TSHZ2: variants seen among roughly 807,000 people sequenced by gnomAD.
TSHZ2 encodes teashirt homolog 2.
TSHZ2 carries 21 observed loss-of-function variants against 74.4 expected under a neutral mutation model. That is an observed-to-expected ratio of 0.28 (90% CI 0.20 to 0.41). TSHZ2 has a LOEUF of 0.41. Ranked by LOEUF, TSHZ2 falls within the 10% of genes least tolerant of loss-of-function variation. The pLI, the probability that TSHZ2 is intolerant of heterozygous loss-of-function variation, is 1.00. For synonymous variants in TSHZ2, 540 were observed against 515.3 expected (o/e 1.05, Z -0.65); for missense variants, 1,244 against 1,293.5 (o/e 0.96, Z 0.59).
At chr20:53,112,239 C>T (rs1456210427) in intron 1 of TSHZ2, among the ~76,000 whole-genome samples, 9 of 152,188 alleles carry the variant, frequency 5.9e-5, no homozygotes, top group Non-Finnish European at 5.9e-5. Flanking sequence ...ATGCTCCAAG[C>T]CCCTAGCTCA....
At chr20:53,443,019 C>T (rs1512) in intron 2 of TSHZ2, among the ~76,000 whole-genome samples, 116,174 of 152,148 alleles carry the variant, frequency 0.76, 45,428 homozygotes, top group African/African-American at 0.92. Context: ...ATAGAGAACA[C>T]TGAGTATGTT....
intron 2 of TSHZ2, among the ~76,000 whole-genome samples, chr20:53,309,075 C>G (rs562190695): frequency 6.6e-6 from 1 of 152,332 alleles, no homozygotes; most frequent in East Asian, 1.9e-4. Flanking sequence ...GCAGAGTGCT[C>G]ACATCACACC....
intron 1 of TSHZ2, among the ~76,000 whole-genome samples, chr20:53,053,865 T>G (rs2123141916): frequency 6.6e-6 from 1 of 152,326 alleles, no homozygotes; most frequent in African/African-American, 2.4e-5. Flanking sequence ...GCCACTGCAT[T>G]TGTCCCATGT....
intron 1 of TSHZ2, among the ~76,000 whole-genome samples, chr20:53,111,854 G>A (rs1235363741): frequency 3.3e-5 from 5 of 149,376 alleles, no homozygotes; most frequent in African/African-American, 1.2e-4. Context: ...GAGATTGCAC[G>A]CTCTGGTACC....
Position 53,181,949 on chromosome 20 carries a change from T to C in TSHZ2, c.41-71550T>C, listed in dbSNP as rs373013027. On this transcript the variant is annotated intron_variant, in intron 1 of 2. Transcript: ENST00000371497. ...TTTTAAAAAAATTAAATGAATGAAA[T>C]AGGTGAAGAAGTGATGGTAGCAACA... 6.0e-4 allele frequency among the ~76,000 whole-genome samples: 92 copies of C among 152,238 alleles called. 2 individuals are homozygous for C. The highest frequency in any genetic ancestry group is 2.2e-3 in the African/African-American group (90 of 41,534).
chr20:53,003,170 T>C (rs1466000656), intron 1 of TSHZ2, among the ~76,000 whole-genome samples: 1 of 152,156 alleles, frequency 6.6e-6, no homozygotes, highest in African/African-American at 2.4e-5. Context: ...GTCCAGGTAC[T>C]GTCCTTCATT....
intron 1 of TSHZ2, among the ~76,000 whole-genome samples, chr20:53,009,087 G>A (rs376387418): frequency 6.7e-6 from 1 of 149,890 alleles, no homozygotes; most frequent in Non-Finnish European, 1.5e-5. Flanking sequence ...CCAACAATTT[G>A]GGAGGCCAAA....
At chr20:53,192,573 A>C (rs1988763640) in intron 1 of TSHZ2, among the ~76,000 whole-genome samples, 2 of 151,082 alleles carry the variant, frequency 1.3e-5, no homozygotes, top group Admixed American at 6.6e-5. Flanking sequence ...AAAAAAAAAA[A>C]AAAAACCCAC....
intron 1 of TSHZ2, among the ~76,000 whole-genome samples, chr20:53,237,559 C>T (rs144616162): frequency 7.9e-5 from 12 of 151,500 alleles, no homozygotes; most frequent in South Asian, 2.1e-4. Context: ...CTTCTACATA[C>T]GAAAAATATA....
At chr20:53,400,398 GC>G (rs1403446947) in intron 2 of TSHZ2, 6 of 152,302 alleles carry the variant, frequency 3.9e-5, no homozygotes, top group African/African-American at 1.2e-4. Context: ...AGTCGAAGTT[GC>G]AATGGACAGC....
intron 2 of TSHZ2, among the ~76,000 whole-genome samples, chr20:53,265,797 G>A (rs116305024): frequency 2.2e-4 from 33 of 152,316 alleles, no homozygotes; most frequent in African/African-American, 7.2e-4. Flanking sequence ...TATTCTGAAC[G>A]TCCCACACAT....
At chr20:53,126,395 A>G (rs1474136946) in intron 1 of TSHZ2, among the ~76,000 whole-genome samples, 1 of 152,214 alleles carries the variant, frequency 6.6e-6, no homozygotes, top group East Asian at 1.9e-4. Flanking sequence ...TAATAGAAAC[A>G]TGATACCACT....
chr20:53,459,588 T>G (rs1334644161), intron 2 of TSHZ2, among the ~76,000 whole-genome samples: 6 of 143,260 alleles, frequency 4.2e-5, no homozygotes, highest in East Asian at 4.0e-4. Flanking sequence ...GTGTGAATTT[T>G]ATCCTGTCAT....
At chr20:53,200,026 G>A (rs181481852) in intron 1 of TSHZ2, among the ~76,000 whole-genome samples, 22 of 152,336 alleles carry the variant, frequency 1.4e-4, no homozygotes, top group East Asian at 9.6e-4. Context: ...TTTATCAGAT[G>A]AGGGTAGTTT....
intron 2 of TSHZ2, among the ~76,000 whole-genome samples, chr20:53,368,115 G>A (rs1226383534): frequency 6.6e-6 from 1 of 152,014 alleles, no homozygotes; most frequent in Non-Finnish European, 1.5e-5. Context: ...CTGCCACAAG[G>A]ACTGCCATCT....
rs934670800 is a variant in TSHZ2 at position 53,191,769 on chromosome 20, C to T, written c.41-61730C>T. 4.6e-5 allele frequency among the ~76,000 whole-genome samples: 7 copies of T among 152,232 alleles called. No homozygotes were observed. The South Asian group carries it at 1.2e-3, about 27-fold the overall frequency. On this transcript the variant is annotated intron_variant, in intron 1 of 2. Coordinates refer to ENST00000371497, the MANE Select transcript of TSHZ2 (RefSeq NM_173485.6). ...TTGAATATTAGGACCTGTCAAGTAC[C>T]GAACAGAAAGTACTGTAAGGAAGTC...
chr20:53,414,013 T>A (rs895728432), intron 2 of TSHZ2, among the ~76,000 whole-genome samples: 4 of 152,092 alleles, frequency 2.6e-5, no homozygotes, highest in African/African-American at 9.7e-5. Context: ...TAGTGGCACA[T>A]GCCTGTAGTC....
intron 1 of TSHZ2, among the ~76,000 whole-genome samples, chr20:53,157,455 G>T (rs1218487710): frequency 6.8e-6 from 1 of 147,268 alleles, no homozygotes; most frequent in Admixed American, 6.8e-5. Context: ...TGTCCAGGCT[G>T]GAGTGCAGTG....
chr20:53,052,209 C>T (rs115322022), intron 1 of TSHZ2, among the ~76,000 whole-genome samples: 292 of 152,198 alleles, frequency 1.9e-3, no homozygotes, highest in African/African-American at 6.5e-3. Context: ...TTTTAGGTAC[C>T]TCATGTACGT....
Sources: gnomAD v4.1 joint callset for allele counts (sites outside exome capture counted in the v4.1 genomes callset) on GRCh38, gnomAD v4.1.1 for gene constraint, MANE v1.5 for transcripts, NCBI Gene and HGNC (gene_info 2026-07-23, HGNC 2026-07-21) for gene names.